MACROD2: variants seen among roughly 807,000 people sequenced by gnomAD.
The protein encoded by MACROD2 is mono-ADP ribosylhydrolase 2.
MACROD2 carries 36 observed loss-of-function variants against 70.4 expected under a neutral mutation model. The ratio of observed to expected loss-of-function variants is 0.51; its 90% CI spans 0.39 to 0.68. The LOEUF (loss-of-function observed/expected upper bound fraction) is 0.68. MACROD2 is among the 30% of genes least tolerant of loss of function. The pLI is 0.00. For missense variants in MACROD2, 496 were observed against 538.4 expected (o/e 0.92, Z 0.78); for synonymous variants, 172 against 178.8 (o/e 0.96, Z 0.30).
intron 6 of MACROD2, among the ~76,000 whole-genome samples, chr20:15,247,432 C>T (rs918462830): frequency 6.6e-5 from 10 of 152,092 alleles, no homozygotes; most frequent in African/African-American, 2.4e-4. Flanking sequence ...ACTCAGAATG[C>T]TTGCTGTGAA....
intron 3 of MACROD2, among the ~76,000 whole-genome samples, chr20:14,144,250 A>G (rs927741979): frequency 2.0e-5 from 3 of 152,244 alleles, no homozygotes; most frequent in Non-Finnish European, 2.9e-5. Flanking sequence ...GTGGAAATAT[A>G]GATATTACAA....
At chr20:15,496,410 T>G (rs1337081473) in intron 7 of MACROD2, among the ~76,000 whole-genome samples, 3 of 152,108 alleles carry the variant, frequency 2.0e-5, no homozygotes, top group African/African-American at 7.2e-5. Context: ...AACCTTGAGG[T>G]TAAGATGAAA....
At chr20:14,600,242 A>G (rs1241559521) in intron 4 of MACROD2, among the ~76,000 whole-genome samples, 1 of 151,882 alleles carries the variant, frequency 6.6e-6, no homozygotes, top group Middle Eastern at 3.4e-3. Context: ...AATAGGAAAA[A>G]CAGAACCAGT....
At chr20:14,745,333 G>A (rs1245594454) in intron 5 of MACROD2, among the ~76,000 whole-genome samples, 1 of 152,144 alleles carries the variant, frequency 6.6e-6, no homozygotes, top group Non-Finnish European at 1.5e-5. Flanking sequence ...GTCTATATTT[G>A]TATAGGCCTA....
intron 15 of MACROD2, among the ~76,000 whole-genome samples, chr20:16,005,891 C>T (rs980541754): frequency 6.6e-6 from 1 of 152,212 alleles, no homozygotes; most frequent in South Asian, 2.1e-4. Context: ...CTATTGTTCT[C>T]TCAGTAACAC....
chr20:14,038,181 C>T (rs1021588394), intron 2 of MACROD2, among the ~76,000 whole-genome samples: 1 of 151,994 alleles, frequency 6.6e-6, no homozygotes, highest in Non-Finnish European at 1.5e-5. Context: ...GTAGTCCCAG[C>T]TACTCAGGAG....
chr20:14,717,748 G>A (rs538045290), intron 5 of MACROD2, among the ~76,000 whole-genome samples: 1 of 152,172 alleles, frequency 6.6e-6, no homozygotes, highest in Non-Finnish European at 1.5e-5. Flanking sequence ...GTGGGATGTT[G>A]GAAGTGGTTT....
At chr20:14,673,613 C>T (rs2070822188) in intron 4 of MACROD2, among the ~76,000 whole-genome samples, 2 of 151,974 alleles carry the variant, frequency 1.3e-5, no homozygotes, top group African/African-American at 4.8e-5. Context: ...TGTTGAATTT[C>T]TTCAACTATA....
intron 4 of MACROD2, among the ~76,000 whole-genome samples, chr20:14,514,710 AGT>A (rs1477885019): frequency 6.6e-6 from 1 of 152,064 alleles, no homozygotes; most frequent in East Asian, 1.9e-4. Context: ...AAGCTGCTCT[AGT>A]GTGTTGAATG....
Position 16,052,519 on chromosome 20 carries a change from A to G in MACROD2, c.*2643A>G, listed in dbSNP as rs1253167538. ...GATCAAAGTAGGCCTTCACCATAATAGTTCTAATTAAAATGGTCCTCGCTG... is the reference window on the plus strand; with the variant it reads ...GATCAAAGTAGGCCTTCACCATAATGGTTCTAATTAAAATGGTCCTCGCTG... On this transcript the variant is annotated 3_prime_UTR_variant, in exon 18 of 18. Coordinates refer to ENST00000684519, the MANE Select transcript of MACROD2 (RefSeq NM_001351661.2). 6.6e-6 allele frequency: 1 copy of G among 152,548 alleles called. No individual in the cohort carries two copies. Among genetic ancestry groups the G allele is most frequent in the Non-Finnish European group, 1.5e-5 (1 of 68,038 alleles). 9.4% of individuals were successfully genotyped at this position (152,548 alleles called of 1,614,324 possible). A position where few individuals can be genotyped will look rare whatever the true frequency, so the allele number is the denominator to read the frequency against.
intron 4 of MACROD2, among the ~76,000 whole-genome samples, chr20:14,661,263 A>G (rs6105304): frequency 0.013 from 1,945 of 152,048 alleles, 31 homozygotes; most frequent in African/African-American, 0.044. Context: ...GTGAGATCCT[A>G]TCTCGTTGTG....
chr20:14,367,314 C>T (rs1181627432), intron 3 of MACROD2, among the ~76,000 whole-genome samples: 1 of 152,064 alleles, frequency 6.6e-6, no homozygotes, highest in Non-Finnish European at 1.5e-5. Context: ...GAGATACAAA[C>T]AAAAATACAA....
intron 13 of MACROD2, among the ~76,000 whole-genome samples, chr20:15,983,655 G>A (rs953668498): frequency 1.3e-5 from 2 of 152,168 alleles, no homozygotes; most frequent in African/African-American, 4.8e-5. Flanking sequence ...ACTCCAGGCT[G>A]TAGAATCTCA....
chr20:15,317,482 AATCTATCTATCTATCTATCTATCTATCT>A (rs57469228), intron 6 of MACROD2, among the ~76,000 whole-genome samples: 1 of 145,758 alleles, frequency 6.9e-6, no homozygotes, highest in Non-Finnish European at 1.5e-5. Context: ...CCATCCATCT[AATCTATCTATCTATCTATCTATCTATCT>A]ATCTATCTAT....
At chr20:15,068,836 T>C (rs561702044) in intron 5 of MACROD2, among the ~76,000 whole-genome samples, 1 of 152,258 alleles carries the variant, frequency 6.6e-6, no homozygotes, top group African/African-American at 2.4e-5. Context: ...AAGTGGGGCA[T>C]TGCTGTAAAG....
At position 15,239,609 on chromosome 20, in the gene MACROD2, C is replaced by T. The variant is rs144949486; in HGVS notation, c.540+9548C>T. The stretch of plus-strand genomic sequence containing the variant: ...CCCATACGAGTAACTTTAGTGCAGT[C>T]TCTCCATCTCTTCTGAGCCCATGTT... On this transcript the variant is annotated intron_variant, in intron 6 of 17. Transcript: ENST00000684519. Among the ~76,000 whole-genome samples the T allele has an allele frequency of 4.8e-3, 731 of 152,250 alleles. 3 individuals are homozygous for T. The highest frequency in any genetic ancestry group is 0.017 in the African/African-American group (694 of 41,530).
Position 14,059,612 on chromosome 20 carries a change from G to C in MACROD2, c.164-26009G>C, listed in dbSNP as rs201667273. Reference sequence around the variant, plus strand: ...TGAATAAGATGGGACATGAAGCTGGGTGGAGTGGTTCAGGGAGAGGGGTTA... The same window carrying C: ...TGAATAAGATGGGACATGAAGCTGGCTGGAGTGGTTCAGGGAGAGGGGTTA... On this transcript the variant is annotated intron_variant, in intron 2 of 17. Transcript: ENST00000684519. Among the ~76,000 whole-genome samples the C allele has an allele frequency of 1.6e-4, 24 of 152,300 alleles. No homozygotes were observed. The Middle Eastern group carries it at 0.01, about 65-fold the overall frequency.
intron 8 of MACROD2, among the ~76,000 whole-genome samples, chr20:15,723,242 G>A (rs749674156): frequency 5.9e-5 from 9 of 152,090 alleles, no homozygotes; most frequent in African/African-American, 1.9e-4. Flanking sequence ...AACATCTTTC[G>A]TAACACTGAT....
intron 3 of MACROD2, among the ~76,000 whole-genome samples, chr20:14,167,841 T>G (rs2081185056): frequency 6.6e-6 from 1 of 152,236 alleles, no homozygotes; most frequent in Non-Finnish European, 1.5e-5. Flanking sequence ...GACTCTCCTG[T>G]GTGCCAAGAA....
Sources: gnomAD v4.1 joint callset for allele counts (sites outside exome capture counted in the v4.1 genomes callset) on GRCh38, gnomAD v4.1.1 for gene constraint, MANE v1.5 for transcripts, NCBI Gene and HGNC (gene_info 2026-07-23, HGNC 2026-07-21) for gene names.